CSRNP3: variants seen among roughly 807,000 people sequenced by gnomAD.
CSRNP3 encodes cysteine and serine rich nuclear protein 3.
A neutral mutation model predicts 48.0 loss-of-function variants in CSRNP3; 12 were observed. The observed-to-expected ratio is 0.25, with a 90% CI of 0.16 to 0.41. The LOEUF (loss-of-function observed/expected upper bound fraction) is 0.41. Ranked by LOEUF, CSRNP3 falls within the 10% of genes least tolerant of loss-of-function variation. The pLI, the probability that CSRNP3 is intolerant of heterozygous loss-of-function variation, is 1.00. For synonymous variants in CSRNP3, 263 were observed against 269.7 expected (o/e 0.98, Z 0.24); for missense variants, 580 against 724.4 (o/e 0.80, Z 2.29).
intron 5 of CSRNP3, among the ~76,000 whole-genome samples, chr2:165,662,933 T>TA (rs1051223947): frequency 1.3e-5 from 2 of 152,160 alleles, no homozygotes; most frequent in Non-Finnish European, 2.9e-5. Context: ...TTCCCTCATT[T>TA]AAAAAACAAA....
chr2:165,545,367 T>C (rs879738348), intron 3 of CSRNP3, among the ~76,000 whole-genome samples: 3 of 152,060 alleles, frequency 2.0e-5, no homozygotes, highest in Non-Finnish European at 4.4e-5. Flanking sequence ...TTGAGAATAA[T>C]CCAGTAGAGA....
At chr2:165,623,991 T>C (rs909704927) in intron 4 of CSRNP3, among the ~76,000 whole-genome samples, 14 of 152,260 alleles carry the variant, frequency 9.2e-5, no homozygotes, top group Non-Finnish European at 1.6e-4. Context: ...ATTTTTCCAT[T>C]CGTCTTTGAA....
At chr2:165,555,697 A>G (rs1455829857) in intron 3 of CSRNP3, among the ~76,000 whole-genome samples, 2 of 152,212 alleles carry the variant, frequency 1.3e-5, no homozygotes, top group African/African-American at 4.8e-5. Flanking sequence ...AATGGAAACA[A>G]TGACAAAAGG....
intron 3 of CSRNP3, among the ~76,000 whole-genome samples, chr2:165,593,661 G>A (rs931075461): frequency 6.6e-6 from 1 of 152,086 alleles, no homozygotes; most frequent in Non-Finnish European, 1.5e-5. Context: ...TATAACTAAG[G>A]GGGTCTCAGA....
In CSRNP3 at chr2:165,611,123, G is replaced by C. The variant is rs1326737364; in HGVS notation, c.148+15910G>C. Among the ~76,000 whole-genome samples, 4 of 152,158 alleles carry C rather than the reference G, an allele frequency of 2.6e-5. No individual in the cohort carries two copies. The East Asian group carries it at 5.8e-4, about 22-fold the overall frequency. On this transcript the variant is annotated intron_variant, in intron 4 of 6. Coordinates refer to ENST00000651982, the MANE Select transcript of CSRNP3 (RefSeq NM_001172173.2). ...TAAAAGTTGAAGAGGGAGGGAGGGAGGAGGGAAGGAAGAGATAATACATTT... is the reference window on the plus strand; with the variant it reads ...TAAAAGTTGAAGAGGGAGGGAGGGACGAGGGAAGGAAGAGATAATACATTT...
chr2:165,526,672 A>C (rs1326466158), intron 3 of CSRNP3, among the ~76,000 whole-genome samples: 7 of 152,222 alleles, frequency 4.6e-5, no homozygotes, highest in Non-Finnish European at 1.5e-5. Flanking sequence ...GGACTTAGGC[A>C]AACTGCTGAA....
chr2:165,576,103 CAT>C (rs1685446531), intron 3 of CSRNP3, among the ~76,000 whole-genome samples: 1 of 149,728 alleles, frequency 6.7e-6, no homozygotes, highest in South Asian at 2.1e-4. Flanking sequence ...TAAATATATA[CAT>C]ATAATTGTTT....
intron 5 of CSRNP3, among the ~76,000 whole-genome samples, chr2:165,666,819 AGAGAAAGGAAGGACGG>A (rs1687222973): frequency 6.8e-6 from 1 of 147,452 alleles, no homozygotes; most frequent in African/African-American, 2.5e-5. Flanking sequence ...AAAGAAAGAG[AGAGAAAGGAAGGACGG>A]AAGGAAGGAA....
chr2:165,679,754 T>A lies in CSRNP3; in HGVS notation c.*1T>A, dbSNP rs1687500245. The A allele has an allele frequency of 1.9e-6, 3 of 1,608,634 alleles. No homozygotes were observed. The highest frequency in any genetic ancestry group is 1.1e-5 in the South Asian group (1 of 90,544). On this transcript the variant is annotated 3_prime_UTR_variant, in exon 7 of 7. Coordinates refer to ENST00000651982, the MANE Select transcript of CSRNP3 (RefSeq NM_001172173.2). ...CGTGGTTGAGACAGTCCCTGTTTAG[T>A]AGCTTAAATTATTCTAGGACCAACT...
At chr2:165,658,113 T>C in intron 5 of CSRNP3, 93 bp downstream of exon 5, 1 of 1,388,762 alleles carries the variant, frequency 7.2e-7, no homozygotes, top group Non-Finnish European at 9.8e-7. Flanking sequence ...CGAAACAAAC[T>C]GGGCACTTTA....
intron 4 of CSRNP3, among the ~76,000 whole-genome samples, chr2:165,611,265 G>A (rs1243587500): frequency 6.6e-6 from 1 of 152,078 alleles, no homozygotes; most frequent in Non-Finnish European, 1.5e-5. Context: ...CAGGCATGTA[G>A]ACAGCAAGCA....
chr2:165,634,005 A>C (rs1269998403), intron 4 of CSRNP3, among the ~76,000 whole-genome samples: 1 of 152,212 alleles, frequency 6.6e-6, no homozygotes, highest in Non-Finnish European at 1.5e-5. Flanking sequence ...AAACCAATTC[A>C]TTTATTCTAC....
chr2:165,570,474 A>G (rs776942356), intron 3 of CSRNP3, among the ~76,000 whole-genome samples: 16 of 151,356 alleles, frequency 1.1e-4, no homozygotes, highest in Non-Finnish European at 2.4e-4. Context: ...TTTTTTCCCA[A>G]TTTCTCAGCT....
intron 4 of CSRNP3, 139 bp from the exon 5 acceptor site, chr2:165,657,622 T>C (rs1266181599): frequency 1.1e-6 from 1 of 925,058 alleles, no homozygotes; most frequent in Non-Finnish European, 1.7e-6. Context: ...ATGCCAACTC[T>C]GGGATATAAC....
chr2:165,493,879 A>T (rs959734624), intron 1 of CSRNP3, among the ~76,000 whole-genome samples: 5 of 152,170 alleles, frequency 3.3e-5, no homozygotes, highest in Non-Finnish European at 7.4e-5. Flanking sequence ...CATATGACCC[A>T]ACTTACTTAT....
intron 5 of CSRNP3, among the ~76,000 whole-genome samples, chr2:165,658,847 C>T (rs2105347591): frequency 6.6e-6 from 1 of 152,228 alleles, no homozygotes; most frequent in African/African-American, 2.4e-5. Context: ...CCACTGGGTC[C>T]CTGCCACAAC....
intron 1 of CSRNP3, 36 bp downstream of exon 1, chr2:165,469,776 TC>T (rs1683867565): frequency 6.6e-6 from 1 of 152,296 alleles, no homozygotes; most frequent in East Asian, 1.9e-4. Context: ...AAAAGAGAAT[TC>T]TTTTTTTCTT....
At chr2:165,617,870 G>C (rs1246970464) in intron 4 of CSRNP3, among the ~76,000 whole-genome samples, 1 of 152,214 alleles carries the variant, frequency 6.6e-6, no homozygotes, top group Non-Finnish European at 1.5e-5. Context: ...TGGAGATGCA[G>C]CTGAAGCACT....
chr2:165,573,227 CT>C (rs1321492686), intron 3 of CSRNP3, among the ~76,000 whole-genome samples: 1 of 151,764 alleles, frequency 6.6e-6, no homozygotes, highest in Non-Finnish European at 1.5e-5. Context: ...TGCACAAAAC[CT>C]TTTATTTTAT....
Sources: allele counts gnomAD v4.1 joint callset (sites outside exome capture counted in the v4.1 genomes callset), GRCh38; gene constraint gnomAD v4.1.1; transcripts MANE v1.5; gene names NCBI Gene and HGNC (gene_info 2026-07-23, HGNC 2026-07-21).